Variants in NOVA1 observed in about 807,000 individuals in gnomAD.
NOVA1 encodes the protein NOVA alternative splicing regulator 1, also known as RNA-binding protein Nova-1.
NOVA1 carries 7 observed loss-of-function variants against 38.0 expected under a neutral mutation model. The ratio of observed to expected loss-of-function variants is 0.18; its 90% CI spans 0.10 to 0.35. NOVA1 has a LOEUF of 0.35. Ranked by LOEUF, NOVA1 falls within the 10% of genes least tolerant of loss-of-function variation. The probability of loss-of-function intolerance (pLI) is 1.00; values close to 1 mark genes in which losing one functional copy is unlikely to be tolerated. For synonymous variants in NOVA1, 270 were observed against 232.5 expected, an observed-to-expected ratio of 1.16 and a Z score of -1.47; for missense variants, 460 against 616.0, an observed-to-expected ratio of 0.75 and a Z score of 2.68.
At chr14:26,464,124 C>T (rs1196134317) in intron 4 of NOVA1, among the ~76,000 whole-genome samples, 1 of 152,022 alleles carries the variant, frequency 6.6e-6, no homozygotes, top group Non-Finnish European at 1.5e-5. Flanking sequence ...TCTCCAAATC[C>T]CTAGATCACA....
intron 2 of NOVA1, among the ~76,000 whole-genome samples, chr14:26,536,808 G>C (rs772764723): frequency 1.5e-4 from 23 of 152,010 alleles, no homozygotes; most frequent in Non-Finnish European, 3.2e-4. Context: ...ATAGTTTTTC[G>C]AGAAAGTTTT....
intron 2 of NOVA1, among the ~76,000 whole-genome samples, chr14:26,518,168 C>T (rs1037716423): frequency 1.4e-4 from 22 of 151,890 alleles, no homozygotes. Flanking sequence ...TTAAATGTCC[C>T]TGTTCAAGAT....
At chr14:26,592,286 C>A (rs528325806) in intron 2 of NOVA1, among the ~76,000 whole-genome samples, 6 of 151,204 alleles carry the variant, frequency 4.0e-5, no homozygotes, top group Admixed American at 2.0e-4. Flanking sequence ...AAAAGGCATA[C>A]AATAATATAT....
At chr14:26,570,247 T>C (rs1892387982) in intron 2 of NOVA1, among the ~76,000 whole-genome samples, 1 of 152,020 alleles carries the variant, frequency 6.6e-6, no homozygotes, top group Admixed American at 6.6e-5. Context: ...CTTGAGAGGC[T>C]GAGTCAGGAA....
At chr14:26,506,337 T>C (rs1887636808) in intron 2 of NOVA1, among the ~76,000 whole-genome samples, 1 of 152,164 alleles carries the variant, frequency 6.6e-6, no homozygotes, top group Non-Finnish European at 1.5e-5. Flanking sequence ...ATTGCTTGGA[T>C]CTGGAGTTAA....
intron 4 of NOVA1, among the ~76,000 whole-genome samples, chr14:26,454,949 C>G (rs530998228): frequency 6.6e-6 from 1 of 152,000 alleles, no homozygotes; most frequent in South Asian, 2.1e-4. Context: ...AATTGTTGAA[C>G]AAAGCAAATT....
chr14:26,476,005 T>C (rs1288560344), intron 3 of NOVA1, among the ~76,000 whole-genome samples: 1 of 152,146 alleles, frequency 6.6e-6, no homozygotes, highest in Non-Finnish European at 1.5e-5. Context: ...TCAAAATCTA[T>C]TACTAGTGAA....
chr14:26,483,288 T>C (rs1250163402), intron 2 of NOVA1, among the ~76,000 whole-genome samples: 1 of 152,228 alleles, frequency 6.6e-6, no homozygotes, highest in East Asian at 1.9e-4. Context: ...ACTTATGCAC[T>C]GGGCCCTGTG....
At chr14:26,559,082 TA>T (rs904584159) in intron 2 of NOVA1, among the ~76,000 whole-genome samples, 12 of 151,148 alleles carry the variant, frequency 7.9e-5, no homozygotes, top group Admixed American at 2.0e-4. Flanking sequence ...CCTTTAAAGT[TA>T]AAAAAAAAGT....
chr14:26,462,674 A>C (rs1479408403), intron 4 of NOVA1, among the ~76,000 whole-genome samples: 2 of 152,032 alleles, frequency 1.3e-5, no homozygotes, highest in Non-Finnish European at 2.9e-5. Context: ...TCCCTTTGCC[A>C]GTCAGTAAGT....
At chr14:26,578,284 C>A (rs1392790791) in intron 2 of NOVA1, among the ~76,000 whole-genome samples, 4 of 151,416 alleles carry the variant, frequency 2.6e-5, no homozygotes, top group Non-Finnish European at 5.9e-5. Flanking sequence ...CAAGTATGGG[C>A]AACAAATTTG....
chr14:26,468,710 T>C (rs760804805), intron 4 of NOVA1, among the ~76,000 whole-genome samples: 1 of 152,176 alleles, frequency 6.6e-6, no homozygotes, highest in African/African-American at 2.4e-5. Context: ...AGACCAATTA[T>C]TTTTATTTTT....
chr14:26,485,538 T>C (rs1263826556), intron 2 of NOVA1, among the ~76,000 whole-genome samples: 1 of 152,120 alleles, frequency 6.6e-6, no homozygotes, highest in Non-Finnish European at 1.5e-5. Flanking sequence ...CTACCTAAAA[T>C]AATATTGTTA....
At chr14:26,566,771 T>C (rs1215972509) in intron 2 of NOVA1, among the ~76,000 whole-genome samples, 1 of 152,130 alleles carries the variant, frequency 6.6e-6, no homozygotes, top group Non-Finnish European at 1.5e-5. Context: ...TCAATAAAAA[T>C]TGTGGAAAAA....
intron 4 of NOVA1, among the ~76,000 whole-genome samples, chr14:26,458,225 G>A (rs1372012807): frequency 6.6e-6 from 1 of 152,086 alleles, no homozygotes; most frequent in Non-Finnish European, 1.5e-5. Context: ...TATATTACTG[G>A]TGGGAATGTA....
intron 4 of NOVA1, among the ~76,000 whole-genome samples, chr14:26,455,817 C>T (rs1242151522): frequency 1.3e-5 from 2 of 151,816 alleles, no homozygotes; most frequent in East Asian, 1.9e-4. Context: ...AAGAAAACTA[C>T]TAGAAGTTAA....
chr14:26,449,988 A>T (rs1882506305), intron 4 of NOVA1, among the ~76,000 whole-genome samples: 2 of 152,192 alleles, frequency 1.3e-5, no homozygotes, highest in South Asian at 4.1e-4. Flanking sequence ...AAATGTAAAT[A>T]GTAACATTTA....
intron 2 of NOVA1, among the ~76,000 whole-genome samples, chr14:26,546,020 T>G (rs1212032714): frequency 6.6e-6 from 1 of 151,834 alleles, no homozygotes; most frequent in African/African-American, 2.4e-5. Flanking sequence ...ACTGCAAAAT[T>G]TATAAAAATA....
chr14:26,595,402 G>C lies in NOVA1; in HGVS notation c.280+8C>G. On this transcript the variant is annotated splice_region_variant and intron_variant, in intron 2 of 4. Transcript: ENST00000539517. ...CTCATCAAACAATCTCTTCACCATT[G>C]CACCTACCTGGGTAAAAATCTTTGG... 11 of 1,612,694 alleles carry C rather than the reference G, an allele frequency of 6.8e-6. No individual in the cohort carries two copies. The highest frequency in any genetic ancestry group is 9.3e-6 in the Non-Finnish European group (11 of 1,179,328).
Sources: allele counts gnomAD v4.1 joint callset (sites outside exome capture counted in the v4.1 genomes callset), GRCh38; gene constraint gnomAD v4.1.1; transcripts MANE v1.5; gene names NCBI Gene and HGNC (gene_info 2026-07-23, HGNC 2026-07-21).